PIEZO2: variants seen among roughly 807,000 people sequenced by gnomAD.
PIEZO2 encodes the protein piezo-type mechanosensitive ion channel component 2.
Under a neutral mutation model 337.3 loss-of-function variants are expected in PIEZO2, and 172 were observed. The ratio of observed to expected loss-of-function variants is 0.51; its 90% CI spans 0.45 to 0.58. The LOEUF is 0.58. Ranked by LOEUF, PIEZO2 falls within the 20% of genes least tolerant of loss-of-function variation. PIEZO2 has a pLI of 0.00. For missense variants in PIEZO2, 3,028 were observed against 3,391.3 expected, an observed-to-expected ratio of 0.89 and a Z score of 2.66; for synonymous variants, 1,251 against 1,228.5, an observed-to-expected ratio of 1.02 and a Z score of -0.38.
Position 10,791,628 on chromosome 18 carries a change from C to T in PIEZO2, c.1759-304G>A, listed in dbSNP as rs553747369. On this transcript the variant is annotated intron_variant, in intron 13 of 55. Transcript: ENST00000674853. ...AAATCAGCTGCAACAGGTGGTCTTC[C>T]TTGAGGTGCTGGTCCGTGGTTGATT... The T allele has an allele frequency of 2.8e-3, 577 of 207,872 alleles. 1 individual carries two copies. Among genetic ancestry groups the T allele is most frequent in the Non-Finnish European group, 4.7e-3 (483 of 101,840 alleles). 12.9% of individuals were successfully genotyped at this position (207,872 alleles called of 1,614,324 possible).
At position 11,099,240 on chromosome 18, in the gene PIEZO2, A is replaced by T. The variant is rs1169729627; in HGVS notation, c.65-33018T>A. ...CATATCTCTGCACATTTGTGCCAGT[A>T]TTTCTGTAGGTTAACATATTAATGG... On this transcript the variant is annotated intron_variant, in intron 1 of 55. Coordinates refer to ENST00000674853, the MANE Select transcript of PIEZO2 (RefSeq NM_001378183.1). This position sits in a 1 kb window ranked among gnomAD's most constrained non-coding sequence, Gnocchi z 5.4. Among the ~76,000 whole-genome samples the T allele has an allele frequency of 6.6e-6, 1 of 152,206 alleles. No homozygotes were observed. Among genetic ancestry groups the T allele is most frequent in the Non-Finnish European group, 1.5e-5 (1 of 68,036 alleles).
rs973045565 is a variant in PIEZO2, at chr18:11,078,297, T to A, written c.65-12075A>T. Reference sequence around the variant, plus strand: ...AACTTAGTAAAAATAGAATTTTTTGTAGACTTTTACTGTAGACTTTAGAAT... The same window carrying A: ...AACTTAGTAAAAATAGAATTTTTTGAAGACTTTTACTGTAGACTTTAGAAT... On this transcript the variant is annotated intron_variant, in intron 1 of 55. Coordinates refer to ENST00000674853, the MANE Select transcript of PIEZO2 (RefSeq NM_001378183.1). This position sits in a 1 kb window ranked among gnomAD's most constrained non-coding sequence, Gnocchi z 5.3. Among the ~76,000 whole-genome samples the A allele has an allele frequency of 2.0e-5, 3 of 152,210 alleles. No individual in the cohort carries two copies. Among genetic ancestry groups the A allele is most frequent in the Admixed American group, 2.0e-4 (3 of 15,268 alleles).
chr18:10,833,339 A>G lies in PIEZO2; in HGVS notation c.917+22014T>C, dbSNP rs1430492463. ...TTCCTGTGTTCTCTTTTCTTCTGGT[A>G]CTTCGGAGCCCACTGTGACACCTGC... is the stretch of plus-strand genomic sequence containing the variant. On this transcript the variant is annotated intron_variant, in intron 7 of 55. Transcript: ENST00000674853. The surrounding 1 kb of genome is among the most constrained non-coding windows in gnomAD (Gnocchi z 4.7). Among the ~76,000 whole-genome samples, 2 of 152,076 alleles carry G rather than the reference A, an allele frequency of 1.3e-5. No individual in the cohort carries two copies. The highest frequency in any genetic ancestry group is 2.9e-5 in the Non-Finnish European group (2 of 68,002).
At chr18:10,811,373 C>A (rs922829601) in intron 7 of PIEZO2, among the ~76,000 whole-genome samples, 13 of 152,118 alleles carry the variant, frequency 8.5e-5, no homozygotes, top group African/African-American at 3.1e-4. Flanking sequence ...GGGTGTATGT[C>A]TTGTCACCTT....
chr18:10,806,991 A>C, intron 8 of PIEZO2, 121 bp downstream of exon 8: 1 of 1,032,432 alleles, frequency 9.7e-7, no homozygotes, highest in Non-Finnish European at 1.4e-6. Flanking sequence ...TCATACCCAG[A>C]ACACTAGAGT....
chr18:10,672,678 A>G lies in PIEZO2; in HGVS notation c.8345+12T>C, dbSNP rs1424771858. The G allele has an allele frequency of 1.2e-6, 2 of 1,608,068 alleles. No homozygotes were observed. Among genetic ancestry groups the G allele is most frequent in the Non-Finnish European group, 1.7e-6 (2 of 1,178,498 alleles). On this transcript the variant is annotated intron_variant, in intron 55 of 55. Coordinates refer to ENST00000674853, the MANE Select transcript of PIEZO2 (RefSeq NM_001378183.1). The surrounding 1 kb of genome is among the most constrained non-coding windows in gnomAD (Gnocchi z 4.7). ...GACTCTTGTAACTGTGAATTGTTCAATGAGTCCTTACCCATAGCCAGCCAG... is the reference window on the plus strand; with the variant it reads ...GACTCTTGTAACTGTGAATTGTTCAGTGAGTCCTTACCCATAGCCAGCCAG...
intron 2 of PIEZO2, among the ~76,000 whole-genome samples, chr18:11,043,147 G>T (rs961997073): frequency 4.6e-5 from 7 of 151,950 alleles, no homozygotes; most frequent in African/African-American, 1.7e-4. Context: ...GCATTAAATT[G>T]AAGACTGGAG....
At position 11,148,625 on chromosome 18, in the gene PIEZO2, C is replaced by A; in HGVS notation, c.-37G>T. The A allele has an allele frequency of 6.5e-7, 1 of 1,535,696 alleles. No individual in the cohort carries two copies. Among genetic ancestry groups the A allele is most frequent in the Non-Finnish European group, 8.7e-7 (1 of 1,145,846 alleles). On this transcript the variant is annotated 5_prime_UTR_variant, in exon 1 of 56. Coordinates refer to ENST00000674853, the MANE Select transcript of PIEZO2 (RefSeq NM_001378183.1). This position sits in a 1 kb window ranked among gnomAD's most constrained non-coding sequence, Gnocchi z 5.2. ...GGCGAGTCGGAGCAGAGGGGCGAGG[C>A]TCGAGGGTCCCTAGGGGTGGTGGGA...
At chr18:10,742,684 A>G (rs1231739690) in intron 31 of PIEZO2, 69 bp from the exon 32 acceptor site, 1 of 1,492,686 alleles carries the variant, frequency 6.7e-7, no homozygotes, top group Non-Finnish European at 9.0e-7. Flanking sequence ...AGTACTTTGG[A>G]CTTATGCTGT....
At chr18:11,043,526 G>A (rs1213496107) in intron 2 of PIEZO2, among the ~76,000 whole-genome samples, 3 of 152,040 alleles carry the variant, frequency 2.0e-5, no homozygotes, top group Admixed American at 2.0e-4. Context: ...GTTAATTTTG[G>A]AGATTTTTTC....
chr18:10,978,058 C>T (rs980885853), intron 3 of PIEZO2, among the ~76,000 whole-genome samples: 1 of 152,130 alleles, frequency 6.6e-6, no homozygotes, highest in African/African-American at 2.4e-5. Context: ...TGTGGTGGCT[C>T]ACGCCTGTAA....
chr18:10,858,321 CAAAAAAAAAAAAAAA>C (rs11361243), intron 5 of PIEZO2, among the ~76,000 whole-genome samples: 1 of 56,350 alleles, frequency 1.8e-5, no homozygotes, highest in Non-Finnish European at 3.3e-5. Flanking sequence ...GACTTCAACC[CAAAAAAAAAAAAAAA>C]AAAAAAAAAA....
intron 1 of PIEZO2, among the ~76,000 whole-genome samples, chr18:11,133,771 T>C (rs1312723144): frequency 6.6e-6 from 1 of 151,088 alleles, no homozygotes; most frequent in Non-Finnish European, 1.5e-5. Flanking sequence ...TCGCGTAAGT[T>C]AATACTTAAT....
chr18:10,956,308 T>C (rs2145346550), intron 3 of PIEZO2, among the ~76,000 whole-genome samples: 1 of 152,252 alleles, frequency 6.6e-6, no homozygotes, highest in East Asian at 1.9e-4. Flanking sequence ...AAAAAATACT[T>C]AGGAATAAAT....
intron 2 of PIEZO2, among the ~76,000 whole-genome samples, chr18:11,043,243 GCACACACACACA>G (rs34125787): frequency 1.3e-5 from 2 of 149,224 alleles, no homozygotes; most frequent in African/African-American, 5.0e-5. Flanking sequence ...CCCTTTAAAC[GCACACACACACA>G]CACACACACA....
rs762219783 is a variant in PIEZO2, at chr18:10,770,305, A to C, written c.2789T>G (p.Leu930Ter). The change falls in exon 21 of 56, where the codon TTA (leucine) becomes TGA (stop). Residue 930 changes from leucine (L) to a stop codon, truncating the protein, a stop_gained. Coordinates refer to ENST00000674853, the MANE Select transcript of PIEZO2 (RefSeq NM_001378183.1). LOFTEE classifies it high-confidence loss of function. Reference protein sequence around the residue: ...ESEEEEETSDLRNKWHLVIDR... With the variant: ...ESEEEEETSD ...AATCACCAGGTGCCATTTGTTCCTT[A>C]AGTCTGCAAAATAGGAAGTACAGAC... is the stretch of plus-strand genomic sequence containing the variant. The C allele has an allele frequency of 6.5e-7, 1 of 1,536,352 alleles. No homozygotes were observed. Among genetic ancestry groups the C allele is most frequent in the South Asian group, 1.2e-5 (1 of 83,676 alleles).
chr18:10,691,953 T>G (rs2034868097), intron 47 of PIEZO2, among the ~76,000 whole-genome samples: 1 of 151,772 alleles, frequency 6.6e-6, no homozygotes, highest in South Asian at 2.1e-4. Context: ...TGTCTATATG[T>G]TATGGGGTTT....
rs200151444 is a variant in PIEZO2 at position 10,795,338 on chromosome 18, T to TTTA, written c.1528-339_1528-337dup. On this transcript the variant is annotated intron_variant, in intron 12 of 55. Coordinates refer to ENST00000674853, the MANE Select transcript of PIEZO2 (RefSeq NM_001378183.1). The surrounding 1 kb of genome is among the most constrained non-coding windows in gnomAD (Gnocchi z 4.4). ...AATATTTTATTTTATTTTATTTTATTTTATTTTATTTTATTATTTTATTTT... is the reference window on the plus strand; with the variant it reads ...AATATTTTATTTTATTTTATTTTATTTTATTATTTTATTTTATTATTTTATTTT... 7.7e-3 allele frequency among the ~76,000 whole-genome samples: 145 copies of TTTA among 18,756 alleles called. No individual in the cohort carries two copies. The highest frequency in any genetic ancestry group is 0.023 in the African/African-American group (134 of 5,736). The allele number at this position is 18,756 out of a possible 152,430, so 12.3% of individuals were successfully genotyped here. A position where few individuals can be genotyped will look rare whatever the true frequency, so the allele number is the denominator to read the frequency against.
intron 49 of PIEZO2, among the ~76,000 whole-genome samples, chr18:10,683,052 T>A (rs952483753): frequency 2.9e-4 from 44 of 152,376 alleles, no homozygotes; most frequent in African/African-American, 1.0e-3. Flanking sequence ...ACATGTGTGT[T>A]CTTTCTTCAG....
Sources: gnomAD v4.1 joint callset for allele counts (sites outside exome capture counted in the v4.1 genomes callset) on GRCh38, gnomAD v4.1.1 for gene constraint, Gnocchi (gnomAD v3.1) non-coding constraint, MANE v1.5 for transcripts, NCBI Gene and HGNC (gene_info 2026-07-23, HGNC 2026-07-21) for gene names.